Variants in RAB38 observed in about 807,000 individuals in gnomAD.
RAB38 encodes the protein RAB38, member RAS oncogene family, also known as ras-related protein Rab-38.
A neutral mutation model predicts 18.4 loss-of-function variants in RAB38; 15 were observed. The observed-to-expected ratio is 0.82, with a 90% CI of 0.55 to 1.26. RAB38 has a LOEUF of 1.26. Among genes scored for constraint, RAB38 ranks in the 50% most tolerant of loss-of-function variants. The probability of loss-of-function intolerance (pLI) is 0.00; values close to 1 mark genes in which losing one functional copy is unlikely to be tolerated. For missense variants in RAB38, 294 were observed against 267.4 expected, an observed-to-expected ratio of 1.10 and a Z score of -0.69; for synonymous variants, 101 against 104.4, an observed-to-expected ratio of 0.97 and a Z score of 0.20.
chr11:88,132,695 G>A (rs941015829), intron 2 of RAB38, among the ~76,000 whole-genome samples: 5 of 152,144 alleles, frequency 3.3e-5, no homozygotes, highest in Non-Finnish European at 7.3e-5. Context: ...CTGACCTCAG[G>A]TGATCCACCT....
the RAB38 span, among the ~76,000 whole-genome samples, chr11:87,831,116 G>A: frequency 5.3e-5 from 8 of 152,212 alleles, no homozygotes; most frequent in Non-Finnish European, 1.0e-4. Flanking sequence ...TGGAAATTAC[G>A]TTTTAGAGAA....
At chr11:88,160,241 A>C (rs933351453) in intron 1 of RAB38, among the ~76,000 whole-genome samples, 43 of 152,278 alleles carry the variant, frequency 2.8e-4, no homozygotes, top group African/African-American at 9.9e-4. Flanking sequence ...ATCACTGAAC[A>C]CCAGAGAAAT....
chr11:87,955,507 A>AAAG, the RAB38 span, among the ~76,000 whole-genome samples: 7 of 152,168 alleles, frequency 4.6e-5, no homozygotes, highest in Non-Finnish European at 1.0e-4. Context: ...ATCTAAAATA[A>AAAG]AAGTTAAAAT....
At chr11:87,898,243 C>T in the RAB38 span, among the ~76,000 whole-genome samples, 1 of 151,518 alleles carries the variant, frequency 6.6e-6, no homozygotes, top group Non-Finnish European at 1.5e-5. Flanking sequence ...AAAGGCATTA[C>T]TCTTCTATCA....
chr11:87,884,705 A>G, the RAB38 span, among the ~76,000 whole-genome samples: 3 of 151,948 alleles, frequency 2.0e-5, no homozygotes, highest in African/African-American at 7.2e-5. Flanking sequence ...CTATGACTAG[A>G]TGGGCAAAAA....
At chr11:87,809,897 T>A in the RAB38 span, among the ~76,000 whole-genome samples, 1 of 152,166 alleles carries the variant, frequency 6.6e-6, no homozygotes, top group African/African-American at 2.4e-5. Flanking sequence ...GACATTAGAT[T>A]TATCCAGTTT....
At chr11:87,818,932 A>T in the RAB38 span, among the ~76,000 whole-genome samples, 2 of 152,338 alleles carry the variant, frequency 1.3e-5, no homozygotes, top group South Asian at 4.1e-4. Flanking sequence ...CACAAGTTAA[A>T]TAATTCTTAT....
At chr11:87,840,079 C>T in the RAB38 span, among the ~76,000 whole-genome samples, 1 of 152,020 alleles carries the variant, frequency 6.6e-6, no homozygotes, top group Non-Finnish European at 1.5e-5. Flanking sequence ...AATTCTCTTA[C>T]ACAAAGAAGG....
chr11:88,093,317 C>A, the RAB38 span, among the ~76,000 whole-genome samples: 2 of 151,740 alleles, frequency 1.3e-5, no homozygotes, highest in Admixed American at 6.6e-5. Context: ...TCAGAACAGG[C>A]AAATCCATAG....
chr11:87,941,456 CA>C, the RAB38 span, among the ~76,000 whole-genome samples: 1 of 151,510 alleles, frequency 6.6e-6, no homozygotes, highest in Admixed American at 6.6e-5. Context: ...TCAAAAGGCA[CA>C]TCCCCTCCTG....
chr11:87,861,257 G>T, the RAB38 span, among the ~76,000 whole-genome samples: 1 of 151,882 alleles, frequency 6.6e-6, no homozygotes, highest in Non-Finnish European at 1.5e-5. Flanking sequence ...ATCTCAGTTG[G>T]TTCAGGTTAC....
At chr11:88,173,449 C>A in intron 1 of RAB38, 1 of 848,782 alleles carries the variant, frequency 1.2e-6, no homozygotes, top group Non-Finnish European at 1.4e-6. Context: ...AAGTAAGGAT[C>A]CAGATGGAGG....
chr11:88,045,177 C>G, the RAB38 span, among the ~76,000 whole-genome samples: 1 of 152,154 alleles, frequency 6.6e-6, no homozygotes, highest in African/African-American at 2.4e-5. Context: ...CCGTCTTATT[C>G]TCAACATGCA....
the RAB38 span, among the ~76,000 whole-genome samples, chr11:88,104,970 A>T: frequency 1.3e-5 from 2 of 152,056 alleles, no homozygotes; most frequent in African/African-American, 4.8e-5. Context: ...GCACTTTCAC[A>T]AAATTTTTAT....
chr11:88,126,703 TAA>T (rs35278430), intron 2 of RAB38, among the ~76,000 whole-genome samples: 4,980 of 150,650 alleles, frequency 0.033, 278 homozygotes, highest in African/African-American at 0.12. Flanking sequence ...AGTATAATAA[TAA>T]AAAAAAAAAG....
the RAB38 span, among the ~76,000 whole-genome samples, chr11:87,918,262 C>T: frequency 5.3e-5 from 8 of 152,088 alleles, no homozygotes; most frequent in Non-Finnish European, 1.5e-5. Context: ...TGTATATATG[C>T]CACATATTCT....
At chr11:87,875,987 T>C in the RAB38 span, among the ~76,000 whole-genome samples, 1 of 151,652 alleles carries the variant, frequency 6.6e-6, no homozygotes, top group Non-Finnish European at 1.5e-5. Context: ...AGGTCTTCAA[T>C]ACACTGTTGA....
At chr11:88,040,738 A>G in the RAB38 span, among the ~76,000 whole-genome samples, 1 of 105,932 alleles carries the variant, frequency 9.4e-6, no homozygotes, top group African/African-American at 3.6e-5. Flanking sequence ...AACAACAACA[A>G]CAACAACGAG....
At chr11:87,852,660 A>C in the RAB38 span, among the ~76,000 whole-genome samples, 3 of 152,308 alleles carry the variant, frequency 2.0e-5, no homozygotes, top group African/African-American at 7.2e-5. Flanking sequence ...CTCTGCATTA[A>C]GTATCATTTA....
Sources: gnomAD v4.1 joint callset for allele counts (sites outside exome capture counted in the v4.1 genomes callset) on GRCh38, gnomAD v4.1.1 for gene constraint, MANE v1.5 for transcripts, NCBI Gene and HGNC (gene_info 2026-07-23, HGNC 2026-07-21) for gene names.